TMEM106B: variants seen among roughly 807,000 people sequenced by gnomAD.
The protein encoded by TMEM106B is transmembrane protein 106B.
In TMEM106B, 15 loss-of-function variants were observed where a neutral mutation model predicts 31.1. The ratio of observed to expected loss-of-function variants is 0.48; its 90% CI spans 0.32 to 0.74. The LOEUF (loss-of-function observed/expected upper bound fraction) is 0.74. Ranked by LOEUF, TMEM106B falls within the 30% of genes least tolerant of loss-of-function variation. The pLI, the probability that TMEM106B is intolerant of heterozygous loss-of-function variation, is 0.03. For missense variants in TMEM106B, 283 were observed against 327.3 expected, an observed-to-expected ratio of 0.86 and a Z score of 1.04; for synonymous variants, 126 against 112.5, an observed-to-expected ratio of 1.12 and a Z score of -0.76.
chr7:12,229,351 C>CA (rs1473275568), intron 4 of TMEM106B, among the ~76,000 whole-genome samples: 1 of 151,946 alleles, frequency 6.6e-6, no homozygotes, highest in East Asian at 1.9e-4. Flanking sequence ...TTCTTTTAAA[C>CA]AAAAAAGATT....
In TMEM106B at chr7:12,239,538, A is replaced by G. The variant is rs1458154378; in HGVS notation, c.*7563A>G. On this transcript the variant is annotated 3_prime_UTR_variant, in exon 8 of 8. Coordinates refer to ENST00000396668, the MANE Select transcript of TMEM106B (RefSeq NM_001134232.2). ...TTTCAGCCTATCTTGACTTTCCAAG[A>G]TTGTCCTTGGTGAGAAATGCTTGAT... 1 of 152,116 alleles carries G rather than the reference A, an allele frequency of 6.6e-6. No homozygotes were observed. Among genetic ancestry groups the G allele is most frequent in the African/African-American group, 2.4e-5 (1 of 41,420 alleles). 9.4% of individuals were successfully genotyped at this position (152,116 alleles called of 1,614,324 possible).
rs150636337 is a variant in TMEM106B at position 12,237,046 on chromosome 7, G to T, written c.*5071G>T. On this transcript the variant is annotated 3_prime_UTR_variant, in exon 8 of 8. Coordinates refer to ENST00000396668, the MANE Select transcript of TMEM106B (RefSeq NM_001134232.2). The stretch of plus-strand genomic sequence containing the variant: ...TATATTATGTAGTAGCCTCCATCAT[G>T]ACACACTTACTACATTTATGAATTG... The T allele has an allele frequency of 2.1e-3, 317 of 150,544 alleles. No homozygotes were observed. Among genetic ancestry groups the T allele is most frequent in the African/African-American group, 7.5e-3 (301 of 40,014 alleles). The allele number at this position is 150,544 out of a possible 1,614,324, so 9.3% of individuals were successfully genotyped here.
Position 12,235,437 on chromosome 7 carries a change from C to T in TMEM106B, c.*3462C>T. On this transcript the variant is annotated 3_prime_UTR_variant, in exon 8 of 8. Coordinates refer to ENST00000396668, the MANE Select transcript of TMEM106B (RefSeq NM_001134232.2). Reference sequence around the variant, plus strand: ...GTTAGGCCAGTGAAGCAATTATTTTCTCTAAGAAAATGACAATAAAATATA... The same window carrying T: ...GTTAGGCCAGTGAAGCAATTATTTTTTCTAAGAAAATGACAATAAAATATA... 6.6e-6 allele frequency: 1 copy of T among 151,970 alleles called. No homozygotes were observed. Among genetic ancestry groups the T allele is most frequent in the East Asian group, 1.9e-4 (1 of 5,200 alleles). 9.4% of individuals were successfully genotyped at this position (151,970 alleles called of 1,614,324 possible). A position where few individuals can be genotyped will look rare whatever the true frequency, so the allele number is the denominator to read the frequency against.
Position 12,237,849 on chromosome 7 carries a change from A to ACATG in TMEM106B, c.*5876_*5877insTGCA, listed in dbSNP as rs1554311723. The ACATG allele has an allele frequency of 6.0e-5, 9 of 150,840 alleles. No homozygotes were observed. The highest frequency in any genetic ancestry group is 2.2e-4 in the African/African-American group (9 of 40,864). 9.3% of individuals were successfully genotyped at this position (150,840 alleles called of 1,614,324 possible). On this transcript the variant is annotated 3_prime_UTR_variant, in exon 8 of 8. Coordinates refer to ENST00000396668, the MANE Select transcript of TMEM106B (RefSeq NM_001134232.2). ...CACACACACACACACACACACACAC[A>ACATG]CACACACTATTGCTAAAAAATGTTA...
chr7:12,232,560 A>C lies in TMEM106B; in HGVS notation c.*585A>C, dbSNP rs1057437298. The C allele has an allele frequency of 4.6e-5, 7 of 152,334 alleles. No homozygotes were observed. Among genetic ancestry groups the C allele is most frequent in the African/African-American group, 1.7e-4 (7 of 41,448 alleles). The allele number at this position is 152,334 out of a possible 1,614,324, so 9.4% of individuals were successfully genotyped here. A position where few individuals can be genotyped will look rare whatever the true frequency, so the allele number is the denominator to read the frequency against. Reference sequence around the variant, plus strand: ...TATTTCAGGTTAGTGATTGCCTAACACTTATAAGCCAAAATAATCTTTGCA... The same window carrying C: ...TATTTCAGGTTAGTGATTGCCTAACCCTTATAAGCCAAAATAATCTTTGCA... On this transcript the variant is annotated 3_prime_UTR_variant, in exon 8 of 8. Transcript: ENST00000396668.
In TMEM106B at chr7:12,231,901, G is replaced by A; in HGVS notation, c.751G>A (p.Val251Ile). The A allele has an allele frequency of 1.9e-6, 3 of 1,612,576 alleles. No individual in the cohort carries two copies. Among genetic ancestry groups the A allele is most frequent in the Non-Finnish European group, 2.5e-6 (3 of 1,178,956 alleles). Reference protein sequence around the residue: ...EQISQERYQYVDCGRNTTYQL... With the variant: ...EQISQERYQYIDCGRNTTYQL... ...GATATCCCAGGAGAGGTATCAGTAT[G>A]TCGACTGTGGAAGAAACACAACTTA... The change falls in exon 8 of 8, where the codon GTC becomes ATC. Residue 251 changes from valine (V) to isoleucine (I), a missense_variant. By Grantham distance (29) the Val-to-Ile change is conservative. This residue lies in a region of TMEM106B where 201 missense variants were observed against 211.5 expected (regional missense o/e 0.95). Coordinates refer to ENST00000396668, the MANE Select transcript of TMEM106B (RefSeq NM_001134232.2).
intron 3 of TMEM106B, among the ~76,000 whole-genome samples, chr7:12,221,074 G>A (rs991722200): frequency 7.3e-6 from 1 of 137,528 alleles, no homozygotes; most frequent in Admixed American, 7.3e-5. Flanking sequence ...AGAGGGAGTG[G>A]ATAAGCAAGT....
intron 3 of TMEM106B, 144 bp from the exon 4 acceptor site, chr7:12,224,082 C>A: frequency 1.4e-6 from 1 of 728,362 alleles, no homozygotes; most frequent in Non-Finnish European, 2.4e-6. Context: ...ATACCCAATA[C>A]TTTCAGATGT....
rs1271681841 is a variant in TMEM106B, at chr7:12,234,895, A to G, written c.*2920A>G. The G allele has an allele frequency of 1.3e-5, 2 of 151,888 alleles. No homozygotes were observed. The highest frequency in any genetic ancestry group is 2.9e-5 in the Non-Finnish European group (2 of 67,828). The allele number at this position is 151,888 out of a possible 1,614,324, so 9.4% of individuals were successfully genotyped here. On this transcript the variant is annotated 3_prime_UTR_variant, in exon 8 of 8. Coordinates refer to ENST00000396668, the MANE Select transcript of TMEM106B (RefSeq NM_001134232.2). ...ATCTTTTAGAAGAGGAAGGAAAGGC[A>G]TGAAGAAGTTGAGGGACTGGCTGAA... is the stretch of plus-strand genomic sequence containing the variant.
chr7:12,218,573 G>C (rs1009242000), intron 3 of TMEM106B, 52 bp downstream of exon 3: 21 of 1,487,520 alleles, frequency 1.4e-5, no homozygotes, highest in Non-Finnish European at 1.9e-5. Context: ...TTTGTTTTTT[G>C]TATTTTTTCA....
intron 2 of TMEM106B, among the ~76,000 whole-genome samples, chr7:12,218,134 T>C (rs1294745562): frequency 1.3e-5 from 2 of 152,224 alleles, no homozygotes; most frequent in African/African-American, 4.8e-5. Flanking sequence ...AGAGTCTTAA[T>C]GGACACCAGT....
At position 12,238,294 on chromosome 7, in the gene TMEM106B, A is replaced by G. The variant is rs1032981335; in HGVS notation, c.*6319A>G. The G allele has an allele frequency of 6.5e-6, 1 of 153,656 alleles. No individual in the cohort carries two copies. Among genetic ancestry groups the G allele is most frequent in the African/African-American group, 2.4e-5 (1 of 41,484 alleles). The allele number at this position is 153,656 out of a possible 1,614,324, so 9.5% of individuals were successfully genotyped here. A position where few individuals can be genotyped will look rare whatever the true frequency, so the allele number is the denominator to read the frequency against. On this transcript the variant is annotated 3_prime_UTR_variant, in exon 8 of 8. Coordinates refer to ENST00000396668, the MANE Select transcript of TMEM106B (RefSeq NM_001134232.2). ...CCTCATCTGTTCAAGTTTTGGCATC[A>G]AGTTGTAGCAATTCAGTCACATCTA... is the stretch of plus-strand genomic sequence containing the variant.
intron 3 of TMEM106B, among the ~76,000 whole-genome samples, chr7:12,223,571 T>A (rs1243465210): frequency 6.6e-6 from 1 of 152,100 alleles, no homozygotes; most frequent in East Asian, 1.9e-4. Flanking sequence ...ATGTGAAAAT[T>A]CTGCTTCAGT....
At chr7:12,218,977 A>C (rs936043828) in intron 3 of TMEM106B, among the ~76,000 whole-genome samples, 1 of 152,138 alleles carries the variant, frequency 6.6e-6, no homozygotes, top group Non-Finnish European at 1.5e-5. Flanking sequence ...GTCCCAAAAG[A>C]AGAGGACACC....
intron 3 of TMEM106B, among the ~76,000 whole-genome samples, chr7:12,219,862 G>C (rs1249418764): frequency 6.6e-6 from 1 of 152,084 alleles, no homozygotes; most frequent in East Asian, 1.9e-4. Flanking sequence ...TGTAATTGGA[G>C]CATCTGAAGA....
chr7:12,219,355 A>G (rs937554812), intron 3 of TMEM106B, among the ~76,000 whole-genome samples: 8 of 152,178 alleles, frequency 5.3e-5, no homozygotes, highest in Non-Finnish European at 1.5e-5. Context: ...TGAACAGTGA[A>G]GCTAGCAAAG....
intron 4 of TMEM106B, among the ~76,000 whole-genome samples, chr7:12,226,579 G>A (rs1781905918): frequency 2.0e-5 from 3 of 152,096 alleles, no homozygotes; most frequent in African/African-American, 7.2e-5. Flanking sequence ...GGTTAATGGT[G>A]TGGTTAAGGT....
chr7:12,234,107 T>TA lies in TMEM106B; in HGVS notation c.*2133dup, dbSNP rs1782082684. Reference sequence around the variant, plus strand: ...CATTTCTTCAAAATTATCTTTTAGATACGCTCATACAAAAATCAATCCTTG... The same window carrying TA: ...CATTTCTTCAAAATTATCTTTTAGATAACGCTCATACAAAAATCAATCCTTG... On this transcript the variant is annotated 3_prime_UTR_variant, in exon 8 of 8. Coordinates refer to ENST00000396668, the MANE Select transcript of TMEM106B (RefSeq NM_001134232.2). 1 of 151,868 alleles carries TA rather than the reference T, an allele frequency of 6.6e-6. No homozygotes were observed. Among genetic ancestry groups the TA allele is most frequent in the Admixed American group, 6.6e-5 (1 of 15,228 alleles). The allele number at this position is 151,868 out of a possible 1,614,324, so 9.4% of individuals were successfully genotyped here.
At chr7:12,220,207 T>C (rs1355856847) in intron 3 of TMEM106B, among the ~76,000 whole-genome samples, 1 of 152,164 alleles carries the variant, frequency 6.6e-6, no homozygotes, top group African/African-American at 2.4e-5. Flanking sequence ...CAGATATGAA[T>C]ATGAAGGAAA....
Sources: gnomAD v4.1 joint callset for allele counts (sites outside exome capture counted in the v4.1 genomes callset) on GRCh38, gnomAD v4.1.1 for gene constraint, gnomAD v4.1.1 regional missense constraint, MANE v1.5 for transcripts, NCBI Gene and HGNC (gene_info 2026-07-23, HGNC 2026-07-21) for gene names.